TMEM9: variants seen among roughly 807,000 people sequenced by gnomAD.
TMEM9 encodes transmembrane protein 9.
A neutral mutation model predicts 22.8 loss-of-function variants in TMEM9; 13 were observed. The observed-to-expected ratio is 0.57, with a 90% CI of 0.37 to 0.91. The LOEUF (loss-of-function observed/expected upper bound fraction) is 0.91, where lower values mean the gene tolerates loss of function less well. TMEM9 is among the 40% of genes least tolerant of loss of function. TMEM9 has a pLI of 0.01. For synonymous variants in TMEM9, 88 were observed against 93.0 expected, an observed-to-expected ratio of 0.95 and a Z score of 0.31; for missense variants, 182 against 238.1, an observed-to-expected ratio of 0.76 and a Z score of 1.55.
At chr1:201,147,130 G>A (rs529025975) in intron 2 of TMEM9, among the ~76,000 whole-genome samples, 10 of 152,094 alleles carry the variant, frequency 6.6e-5, no homozygotes, top group Non-Finnish European at 1.3e-4. Flanking sequence ...ACCCCCAGCC[G>A]CCTTCCTCAT....
chr1:201,135,891 G>C, intron 4 of TMEM9, 76 bp from the exon 5 acceptor site: 1 of 1,423,938 alleles, frequency 7.0e-7, no homozygotes, highest in Non-Finnish European at 9.3e-7. Flanking sequence ...GTCTGACATG[G>C]AAAGAACGAA....
intron 2 of TMEM9, among the ~76,000 whole-genome samples, chr1:201,147,944 C>T (rs1378730115): frequency 6.6e-6 from 1 of 152,204 alleles, no homozygotes; most frequent in Non-Finnish European, 1.5e-5. Flanking sequence ...CCCCCCAACC[C>T]CCCGCCAATG....
At chr1:201,144,836 C>T in intron 3 of TMEM9, 1 of 152,330 alleles carries the variant, frequency 6.6e-6, no homozygotes. Context: ...CCTGTGATCC[C>T]AAGGCTACCA....
upstream of TMEM9, among the ~76,000 whole-genome samples, chr1:201,155,891 G>A (rs1665777620): frequency 6.6e-6 from 1 of 152,220 alleles, no homozygotes; most frequent in Admixed American, 6.5e-5. Flanking sequence ...GACACAAAGA[G>A]GGAGGCTCTA....
At chr1:201,139,225 G>GCTC (rs1175880215) in intron 4 of TMEM9, among the ~76,000 whole-genome samples, 1 of 152,124 alleles carries the variant, frequency 6.6e-6, no homozygotes, top group African/African-American at 2.4e-5. Flanking sequence ...CTCTCTGGCT[G>GCTC]CTCCTCCTCC....
At position 201,153,914 on chromosome 1, in the gene TMEM9, A is replaced by G. The variant is rs547245672; in HGVS notation, c.10T>C (p.Leu4=). MKL[L]SLVAVVGCLL... ...CACCCGACCACAGCCACCAAAGATA[A>G]GAGCTTCATGCTTATCAGGCTTGCT... Residue 4 remains leucine, a synonymous_variant, in exon 1 of 5, where the codon TTA becomes CTA. Transcript: ENST00000367330. 4.3e-6 allele frequency: 7 copies of G among 1,613,202 alleles called. No individual in the cohort carries two copies. In the African/African-American group the frequency reaches 9.3e-5, roughly 22 times the overall value.
chr1:201,152,509 C>A (rs1020507376), intron 1 of TMEM9, among the ~76,000 whole-genome samples: 2 of 152,194 alleles, frequency 1.3e-5, no homozygotes, highest in Admixed American at 6.5e-5. Context: ...TCTACCCAAA[C>A]AGCTCCACAG....
At chr1:201,170,862 G>A (rs548885604) in intron 1 of TMEM9, among the ~76,000 whole-genome samples, 35 of 149,386 alleles carry the variant, frequency 2.3e-4, no homozygotes, top group Non-Finnish European at 4.6e-4. Flanking sequence ...TCACCACCCC[G>A]TCCAGTCTCC....
At chr1:201,163,515 A>G (rs1006642129) in intron 1 of TMEM9, among the ~76,000 whole-genome samples, 3 of 152,016 alleles carry the variant, frequency 2.0e-5, no homozygotes, top group African/African-American at 2.4e-5. Flanking sequence ...GCTTGAACCC[A>G]GGAGGCAGAG....
In TMEM9 at chr1:201,144,065, TAAGA is replaced by T. The variant is rs1027255912; in HGVS notation, c.268-118_268-115del. On this transcript the variant is annotated intron_variant, in intron 3 of 4. Coordinates refer to ENST00000367330, the MANE Select transcript of TMEM9 (RefSeq NM_001288565.2). ...GGCAGTGACTCCTCAAGTGGTGCAC[TAAGA>T]AAGGACTTGGAGGCAACGTGGGCTC... 6 of 1,242,854 alleles carry T rather than the reference TAAGA, an allele frequency of 4.8e-6. No homozygotes were observed. In the African/African-American group the frequency reaches 8.9e-5, roughly 19 times the overall value. 77.0% of individuals were successfully genotyped at this position (1,242,854 alleles called of 1,614,324 possible). A position where few individuals can be genotyped will look rare whatever the true frequency, so the allele number is the denominator to read the frequency against.
intron 4 of TMEM9, among the ~76,000 whole-genome samples, chr1:201,141,966 C>T (rs891310600): frequency 1.1e-4 from 16 of 152,222 alleles, no homozygotes; most frequent in African/African-American, 3.9e-4. Context: ...ATTACTACCC[C>T]AGCCAGGACT....
intron 2 of TMEM9, among the ~76,000 whole-genome samples, chr1:201,149,471 A>G (rs980229580): frequency 2.0e-5 from 3 of 152,216 alleles, no homozygotes; most frequent in Non-Finnish European, 4.4e-5. Context: ...CAACTTATTC[A>G]GTGCTTTCCT....
Position 201,165,132 on chromosome 1 carries a change from T to C in TMEM9, c.-37+6358A>G, listed in dbSNP as rs1212332971. On this transcript the variant is annotated intron_variant, in intron 1 of 5. Transcript: ENST00000367333. Reference sequence around the variant, plus strand: ...TTTAATGAGGACACATCACATTTTATCACTTTTTAAGAGAAAATTATATAT... The same window carrying C: ...TTTAATGAGGACACATCACATTTTACCACTTTTTAAGAGAAAATTATATAT... 2.3e-5 allele frequency among the ~76,000 whole-genome samples: 3 copies of C among 128,122 alleles called. No individual in the cohort carries two copies. In the East Asian group the frequency reaches 6.5e-4, roughly 28 times the overall value. 84.1% of individuals were successfully genotyped at this position (128,122 alleles called of 152,430 possible). A position where few individuals can be genotyped will look rare whatever the true frequency, so the allele number is the denominator to read the frequency against.
upstream of TMEM9, among the ~76,000 whole-genome samples, chr1:201,159,386 G>A (rs966491370): frequency 6.6e-6 from 1 of 152,032 alleles, no homozygotes; most frequent in African/African-American, 2.4e-5. Flanking sequence ...CTGAGCTAAG[G>A]GCAGAGAGCG....
At chr1:201,148,763 ATG>A (rs1665197617) in intron 2 of TMEM9, among the ~76,000 whole-genome samples, 1 of 152,250 alleles carries the variant, frequency 6.6e-6, no homozygotes, top group African/African-American at 2.4e-5. Flanking sequence ...TGTGGCATAC[ATG>A]AGTTTATCTA....
In TMEM9 at chr1:201,134,949, G is replaced by A. The variant is rs3813; in HGVS notation, c.*714C>T. Reference sequence around the variant, plus strand: ...CAGCCTCGAGTCTCATGTTCCAACCGACCGTCTGGCTCAGTGACTGTGGAC... The same window carrying A: ...CAGCCTCGAGTCTCATGTTCCAACCAACCGTCTGGCTCAGTGACTGTGGAC... On this transcript the variant is annotated 3_prime_UTR_variant, in exon 5 of 5. Transcript: ENST00000367330. 1,359 of 152,898 alleles carry A rather than the reference G, an allele frequency of 8.9e-3. 13 individuals are homozygous for A. The highest frequency in any genetic ancestry group is 0.015 in the Non-Finnish European group (1,042 of 68,070). The allele number at this position is 152,898 out of a possible 1,614,324, so 9.5% of individuals were successfully genotyped here.
At chr1:201,143,365 C>A (rs184230136) in intron 4 of TMEM9, among the ~76,000 whole-genome samples, 510 of 152,356 alleles carry the variant, frequency 3.3e-3, no homozygotes, top group African/African-American at 0.011. Flanking sequence ...CTCTTGAAAT[C>A]CTACATTTCT....
At chr1:201,160,830 G>A (rs1394736713) in intron 1 of TMEM9, among the ~76,000 whole-genome samples, 5 of 151,776 alleles carry the variant, frequency 3.3e-5, no homozygotes, top group East Asian at 3.9e-4. Flanking sequence ...CAGCTACTGC[G>A]GAGGCTGAGG....
intron 2 of TMEM9, among the ~76,000 whole-genome samples, chr1:201,149,468 T>C (rs376272002): frequency 6.6e-6 from 1 of 152,234 alleles, no homozygotes; most frequent in Non-Finnish European, 1.5e-5. Context: ...AGCCAACTTA[T>C]TCAGTGCTTT....
Sources: allele counts gnomAD v4.1 joint callset (sites outside exome capture counted in the v4.1 genomes callset), GRCh38; gene constraint gnomAD v4.1.1; transcripts MANE v1.5; gene names NCBI Gene and HGNC (gene_info 2026-07-23, HGNC 2026-07-21).